Variants in MAF observed in about 807,000 individuals in gnomAD.
MAF encodes the protein MAF bZIP transcription factor.
A neutral mutation model predicts 22.0 loss-of-function variants in MAF; 10 were observed. The ratio of observed to expected loss-of-function variants is 0.45; its 90% CI spans 0.28 to 0.77. MAF has a LOEUF of 0.77. Ranked by LOEUF, MAF falls within the 30% of genes least tolerant of loss-of-function variation. The pLI is 0.12. For missense variants in MAF, 544 were observed against 548.4 expected (o/e 0.99, Z 0.08); for synonymous variants, 337 against 255.8 (o/e 1.32, Z -3.03).
the MAF span, among the ~76,000 whole-genome samples, chr16:79,488,553 G>A: frequency 9.9e-5 from 15 of 152,142 alleles, no homozygotes; most frequent in South Asian, 2.1e-4. Context: ...GGAACGGGTC[G>A]AACATGCTAT....
chr16:79,218,732 G>C, the MAF span, among the ~76,000 whole-genome samples: 6 of 152,190 alleles, frequency 3.9e-5, no homozygotes, highest in African/African-American at 1.2e-4. Flanking sequence ...GAGTTCACAT[G>C]TTTAATTAGA....
chr16:79,299,290 G>A, the MAF span, among the ~76,000 whole-genome samples: 15 of 147,992 alleles, frequency 1.0e-4, no homozygotes, highest in Non-Finnish European at 1.5e-4. Flanking sequence ...CTCTGCAAAC[G>A]CATTGTCTGC....
At chr16:79,344,212 G>C in the MAF span, among the ~76,000 whole-genome samples, 1 of 152,132 alleles carries the variant, frequency 6.6e-6, no homozygotes, top group Non-Finnish European at 1.5e-5. Context: ...CAGGAGTTAG[G>C]AGTCCTTCTA....
the MAF span, among the ~76,000 whole-genome samples, chr16:79,377,895 T>G: frequency 4.5e-4 from 69 of 152,294 alleles, no homozygotes; most frequent in Non-Finnish European, 8.2e-4. Flanking sequence ...ATATCTCTGT[T>G]TTGGTACCAG....
At chr16:79,275,701 T>C in the MAF span, among the ~76,000 whole-genome samples, 1 of 152,194 alleles carries the variant, frequency 6.6e-6, no homozygotes, top group Non-Finnish European at 1.5e-5. Flanking sequence ...ATATGGTCAA[T>C]GAACAGACAA....
the MAF span, among the ~76,000 whole-genome samples, chr16:79,392,772 A>T: frequency 6.6e-6 from 1 of 152,176 alleles, no homozygotes; most frequent in African/African-American, 2.4e-5. Flanking sequence ...CCATCTCGCT[A>T]TCCCCACAGC....
At chr16:79,239,686 C>T in the MAF span, among the ~76,000 whole-genome samples, 1 of 152,020 alleles carries the variant, frequency 6.6e-6, no homozygotes, top group Non-Finnish European at 1.5e-5. Context: ...TTGTCCCTCT[C>T]AATACCTGGA....
the MAF span, among the ~76,000 whole-genome samples, chr16:79,286,856 G>GCA: frequency 6.6e-6 from 1 of 152,106 alleles, no homozygotes; most frequent in African/African-American, 2.4e-5. Flanking sequence ...CTGCACAAAT[G>GCA]CACTCAACAT....
chr16:79,210,553 C>G, the MAF span, among the ~76,000 whole-genome samples: 1 of 152,156 alleles, frequency 6.6e-6, no homozygotes, highest in East Asian at 1.9e-4. Flanking sequence ...TTTTCCGGTC[C>G]TCTCTTGCAA....
At chr16:79,377,609 A>G in the MAF span, among the ~76,000 whole-genome samples, 6 of 152,300 alleles carry the variant, frequency 3.9e-5, no homozygotes, top group South Asian at 1.2e-3. Context: ...GCCCATGCCT[A>G]TGTCCTGAAT....
chr16:79,277,921 G>A, the MAF span, among the ~76,000 whole-genome samples: 1 of 152,172 alleles, frequency 6.6e-6, no homozygotes, highest in Non-Finnish European at 1.5e-5. Flanking sequence ...TTGGCTGGGA[G>A]TTGACTGGGG....
chr16:79,589,805 C>G (rs894656945), downstream of MAF, among the ~76,000 whole-genome samples: 2 of 152,176 alleles, frequency 1.3e-5, no homozygotes, highest in Non-Finnish European at 2.9e-5. Context: ...GGTGCGGGAG[C>G]TTGGGTGGGC....
At chr16:79,332,360 G>A in the MAF span, among the ~76,000 whole-genome samples, 2 of 152,082 alleles carry the variant, frequency 1.3e-5, no homozygotes, top group Non-Finnish European at 2.9e-5. Flanking sequence ...GTGTGCAGTG[G>A]CGCTGTCACA....
the MAF span, among the ~76,000 whole-genome samples, chr16:79,437,495 C>T: frequency 2.6e-5 from 4 of 152,066 alleles, no homozygotes; most frequent in African/African-American, 9.7e-5. Flanking sequence ...TGGGACTTTG[C>T]ATCCCATTTT....
At chr16:79,496,369 G>T in the MAF span, among the ~76,000 whole-genome samples, 3 of 152,214 alleles carry the variant, frequency 2.0e-5, no homozygotes, top group Non-Finnish European at 4.4e-5. Flanking sequence ...TCATTTCAGA[G>T]TAGGGTGAGG....
the MAF span, among the ~76,000 whole-genome samples, chr16:79,416,095 G>A: frequency 6.6e-6 from 1 of 152,108 alleles, no homozygotes; most frequent in African/African-American, 2.4e-5. Context: ...GCCCAGCTTT[G>A]GGTGGGCTGC....
At chr16:79,415,025 C>A in the MAF span, among the ~76,000 whole-genome samples, 1 of 152,188 alleles carries the variant, frequency 6.6e-6, no homozygotes, top group Non-Finnish European at 1.5e-5. Flanking sequence ...GTTTGTTTCC[C>A]TTTGCATTTC....
the MAF span, among the ~76,000 whole-genome samples, chr16:79,549,578 C>T: frequency 6.6e-6 from 1 of 152,204 alleles, no homozygotes; most frequent in African/African-American, 2.4e-5. Context: ...TGAAGCCCAG[C>T]TTCAATTACA....
chr16:79,243,391 C>G, the MAF span, among the ~76,000 whole-genome samples: 1 of 151,848 alleles, frequency 6.6e-6, no homozygotes, highest in African/African-American at 2.4e-5. Context: ...GATATCGCCA[C>G]TGATCCCACA....
Sources: allele counts gnomAD v4.1 joint callset (sites outside exome capture counted in the v4.1 genomes callset), GRCh38; gene constraint gnomAD v4.1.1; transcripts MANE v1.5; gene names NCBI Gene and HGNC (gene_info 2026-07-23, HGNC 2026-07-21).